The following SEH1L variants were observed in gnomAD, a reference collection of about 807,000 sequenced individuals.
SEH1L encodes nucleoporin SEH1.
A neutral mutation model predicts 49.5 loss-of-function variants in SEH1L; 18 were observed. The ratio of observed to expected loss-of-function variants is 0.36; its 90% CI spans 0.25 to 0.54. The LOEUF is 0.54. Among genes scored for constraint, SEH1L ranks in the 20% least tolerant of loss-of-function variants. The pLI is 0.87. For synonymous variants in SEH1L, 169 were observed against 178.1 expected, an observed-to-expected ratio of 0.95 and a Z score of 0.41; for missense variants, 404 against 528.8, an observed-to-expected ratio of 0.76 and a Z score of 2.31.
intron 6 of SEH1L, among the ~76,000 whole-genome samples, chr18:12,980,487 TC>T (rs2032172201): frequency 3.5e-5 from 2 of 57,606 alleles, no homozygotes; most frequent in African/African-American, 9.1e-5. Flanking sequence ...CCAACCTCCC[TC>T]CCGGACGGGG....
intron 4 of SEH1L, among the ~76,000 whole-genome samples, chr18:12,967,120 A>G (rs1291830350): frequency 6.6e-6 from 1 of 152,242 alleles, no homozygotes; most frequent in African/African-American, 2.4e-5. Context: ...TTGCACTGGC[A>G]ATGTTCTATA....
rs147277460 is a variant in SEH1L at position 12,948,048 on chromosome 18, T to G, written c.-74T>G. The G allele has an allele frequency of 0.012, 13,754 of 1,146,250 alleles. 1,187 individuals carry two copies. In the African/African-American group the frequency reaches 0.19, roughly 16 times the overall value. The allele number at this position is 1,146,250 out of a possible 1,614,324, so 71.0% of individuals were successfully genotyped here. On this transcript the variant is annotated 5_prime_UTR_variant, in exon 1 of 9. Transcript: ENST00000399892. ...GCGCTCCCGGGCTGCGAGGTCTGGC[T>G]AGGCTACGGGCCACGCGCCGCCGCC...
At chr18:12,985,328 T>A in intron 8 of SEH1L, 3 of 1,567,746 alleles carry the variant, frequency 1.9e-6, no homozygotes, top group Non-Finnish European at 2.6e-6. Flanking sequence ...GAGCTCCTTT[T>A]CCCCTTCCCC....
intron 6 of SEH1L, among the ~76,000 whole-genome samples, chr18:12,980,577 C>A (rs1212502731): frequency 4.1e-5 from 5 of 122,726 alleles, no homozygotes; most frequent in East Asian, 2.6e-4. Flanking sequence ...CTGACCCCCC[C>A]ACCTCCCTCC....
At chr18:12,961,975 T>A (rs1812882657) in intron 3 of SEH1L, among the ~76,000 whole-genome samples, 1 of 152,192 alleles carries the variant, frequency 6.6e-6, no homozygotes, top group Non-Finnish European at 1.5e-5. Flanking sequence ...CTTATTGATG[T>A]TTTTAGTAAA....
chr18:12,976,434 C>T (rs2031922708), intron 5 of SEH1L: 1 of 152,310 alleles, frequency 6.6e-6, no homozygotes, highest in South Asian at 2.1e-4. Flanking sequence ...AGGTGCGGGT[C>T]ATGGGGGCAC....
At chr18:12,968,870 A>G (rs1307207060) in intron 4 of SEH1L, among the ~76,000 whole-genome samples, 1 of 152,148 alleles carries the variant, frequency 6.6e-6, no homozygotes, top group East Asian at 1.9e-4. Context: ...TGTACAATTG[A>G]GGTAATCCTC....
At chr18:12,973,712 T>G (rs1399578630) in intron 5 of SEH1L, 1 of 152,218 alleles carries the variant, frequency 6.6e-6, no homozygotes, top group African/African-American at 2.4e-5. Context: ...GACTGGGGGA[T>G]TCCCTGTATT....
intron 6 of SEH1L, among the ~76,000 whole-genome samples, chr18:12,982,132 C>CT (rs1323733403): frequency 1.3e-5 from 2 of 152,160 alleles, no homozygotes; most frequent in Non-Finnish European, 2.9e-5. Context: ...TCCCAAAGTG[C>CT]TGCGATTACA....
At chr18:12,955,364 T>C in intron 2 of SEH1L, 99 bp from the exon 3 acceptor site, 1 of 1,151,200 alleles carries the variant, frequency 8.7e-7, no homozygotes, top group Non-Finnish European at 1.2e-6. Context: ...TTTCCTGATG[T>C]AAAACCAGTG....
At chr18:12,958,163 A>G (rs1375142045) in intron 3 of SEH1L, among the ~76,000 whole-genome samples, 1 of 124,814 alleles carries the variant, frequency 8.0e-6, no homozygotes, top group Non-Finnish European at 1.6e-5. Flanking sequence ...GGCTTACTGC[A>G]TTCTCCGCCT....
At chr18:12,963,994 T>G (rs1213981111) in intron 4 of SEH1L, among the ~76,000 whole-genome samples, 1 of 152,250 alleles carries the variant, frequency 6.6e-6, no homozygotes, top group Non-Finnish European at 1.5e-5. Context: ...ATGACAGGCG[T>G]GAGCTGCTGC....
At chr18:12,979,737 G>A (rs1257569913) in intron 6 of SEH1L, among the ~76,000 whole-genome samples, 2 of 139,876 alleles carry the variant, frequency 1.4e-5, no homozygotes, top group African/African-American at 2.7e-5. Context: ...GCGGCTGGCC[G>A]GGCGGGGGGC....
Position 12,963,141 on chromosome 18 carries a change from GTTA to G in SEH1L, c.310-13_310-11del. On this transcript the variant is annotated splice_polypyrimidine_tract_variant and intron_variant, in intron 3 of 8. Transcript: ENST00000399892. ...TTTCTTTTTGTATATAATTTAAATTGTTATTATTTTTTTTTTAGGTTAAAAGGA... is the reference window on the plus strand; with the variant it reads ...TTTCTTTTTGTATATAATTTAAATTGTTATTTTTTTTTTAGGTTAAAAGGA... 6.5e-7 allele frequency: 1 copy of G among 1,543,636 alleles called. No homozygotes were observed. Among genetic ancestry groups the G allele is most frequent in the East Asian group, 2.3e-5 (1 of 43,948 alleles).
Position 12,953,665 on chromosome 18 carries a change from C to G in SEH1L, c.162+1760C>G, listed in dbSNP as rs539543185. Among the ~76,000 whole-genome samples the G allele has an allele frequency of 4.5e-3, 692 of 152,220 alleles. 3 individuals are homozygous for G. The highest frequency in any genetic ancestry group is 7.5e-3 in the Non-Finnish European group (510 of 68,012). ...AAAGGTCTATCCAAGGTCCCCCCCC[C>G]TTTTAAGGTGAGGTTAACTTATAAA... On this transcript the variant is annotated intron_variant, in intron 2 of 8. Transcript: ENST00000399892.
At chr18:12,950,009 TTAGTA>T (rs140609812) in intron 1 of SEH1L, among the ~76,000 whole-genome samples, 240 of 152,144 alleles carry the variant, frequency 1.6e-3, no homozygotes, top group African/African-American at 5.5e-3. Context: ...TTTATTTCAC[TTAGTA>T]TAATTTTTTT....
chr18:12,952,892 C>T (rs982519870), intron 2 of SEH1L, among the ~76,000 whole-genome samples: 1 of 151,924 alleles, frequency 6.6e-6, no homozygotes, highest in African/African-American at 2.4e-5. Flanking sequence ...AGCGATTCTC[C>T]TGCCTCAGCC....
At chr18:12,969,503 C>T (rs1313813744) in intron 4 of SEH1L, among the ~76,000 whole-genome samples, 1 of 151,670 alleles carries the variant, frequency 6.6e-6, no homozygotes, top group African/African-American at 2.4e-5. Context: ...TCCTGGCCAA[C>T]ATGGTGAAAC....
At chr18:12,975,687 C>G in intron 5 of SEH1L, 1 of 985,430 alleles carries the variant, frequency 1.0e-6, no homozygotes, top group African/African-American at 1.7e-5. Context: ...AGCATTTGGA[C>G]TTTTGCAGGG....
Sources: allele counts gnomAD v4.1 joint callset (sites outside exome capture counted in the v4.1 genomes callset), GRCh38; gene constraint gnomAD v4.1.1; transcripts MANE v1.5; gene names NCBI Gene and HGNC (gene_info 2026-07-23, HGNC 2026-07-21).